The following STX16 variants were observed in gnomAD, a reference collection of about 807,000 sequenced individuals.
STX16 encodes the protein syntaxin-16.
Under a neutral mutation model 42.7 loss-of-function variants are expected in STX16, and 28 were observed. That is an observed-to-expected ratio of 0.66 (90% CI 0.49 to 0.90). STX16 has a LOEUF of 0.90. Ranked by LOEUF, STX16 falls within the 40% of genes least tolerant of loss-of-function variation. STX16 has a pLI of 0.00. For synonymous variants in STX16, 156 were observed against 155.2 expected, an observed-to-expected ratio of 1.00 and a Z score of -0.04; for missense variants, 361 against 420.9, an observed-to-expected ratio of 0.86 and a Z score of 1.24.
rs1388758981 is a variant in STX16, at chr20:58,657,915, A to C, written c.133-1708A>C. The stretch of plus-strand genomic sequence containing the variant: ...AGAGAGGCTGGAGGGTGGGGTGGAA[A>C]GAGACCTGAACACCTGGGTCTGTCC... On this transcript the variant is annotated intron_variant, in intron 1 of 8. Coordinates refer to ENST00000371141, the MANE Select transcript of STX16 (RefSeq NM_001001433.3). The surrounding 1 kb of genome is among the most constrained non-coding windows in gnomAD (Gnocchi z 4.2). Among the ~76,000 whole-genome samples the C allele has an allele frequency of 6.6e-6, 1 of 152,186 alleles. No homozygotes were observed. Among genetic ancestry groups the C allele is most frequent in the Non-Finnish European group, 1.5e-5 (1 of 68,028 alleles).
In STX16 at chr20:58,678,944, T is replaced by A. The variant is rs1379722551; in HGVS notation, c.*2653T>A. 2 of 152,312 alleles carry A rather than the reference T, an allele frequency of 1.3e-5. No individual in the cohort carries two copies. Among genetic ancestry groups the A allele is most frequent in the Non-Finnish European group, 2.9e-5 (2 of 68,092 alleles). 9.4% of individuals were successfully genotyped at this position (152,312 alleles called of 1,614,324 possible). A position where few individuals can be genotyped will look rare whatever the true frequency, so the allele number is the denominator to read the frequency against. ...ATCACCCAGGCCAGTCTCCTCTGCC[T>A]GGGATGCGCCCTCTGAGAGGAGGCC... On this transcript the variant is annotated 3_prime_UTR_variant, in exon 9 of 9. Transcript: ENST00000371141.
intron 1 of STX16, chr20:58,652,380 C>CA: frequency 1.7e-6 from 1 of 589,580 alleles, no homozygotes; most frequent in Non-Finnish European, 3.1e-6. Flanking sequence ...CACCCCCCCC[C>CA]CCGCACCCCC....
intron 1 of STX16, among the ~76,000 whole-genome samples, chr20:58,658,329 T>G (rs1301662778): frequency 6.6e-6 from 1 of 152,226 alleles, no homozygotes; most frequent in East Asian, 1.9e-4. Flanking sequence ...TAAAAACATT[T>G]TTTCTTTGTA....
At chr20:58,654,434 G>A (rs2083542594) in intron 1 of STX16, among the ~76,000 whole-genome samples, 1 of 152,304 alleles carries the variant, frequency 6.6e-6, no homozygotes, top group South Asian at 2.1e-4. Flanking sequence ...GCTTACAGGT[G>A]ATTCGTAACA....
chr20:58,654,942 A>G (rs1256117484), intron 1 of STX16, among the ~76,000 whole-genome samples: 1 of 152,206 alleles, frequency 6.6e-6, no homozygotes, highest in African/African-American at 2.4e-5. Context: ...GCTTTTCTGC[A>G]TGTTTGAAAA....
chr20:58,658,842 C>T (rs1488568588), intron 1 of STX16, among the ~76,000 whole-genome samples: 1 of 152,156 alleles, frequency 6.6e-6, no homozygotes, highest in Non-Finnish European at 1.5e-5. Flanking sequence ...TCCCCCTCCC[C>T]TTAAAAGAAA....
chr20:58,673,595 A>G (rs779108585), intron 7 of STX16, 36 bp from the exon 8 acceptor site: 2 of 1,405,668 alleles, frequency 1.4e-6, no homozygotes, highest in Admixed American at 3.5e-5. Context: ...CCCAGTTGCT[A>G]TTGTTGATTG....
chr20:58,673,849 ATTCATCAT>A, intron 8 of STX16, 138 bp downstream of exon 8: 2 of 590,612 alleles, frequency 3.4e-6, no homozygotes, highest in South Asian at 5.0e-5. Context: ...GTAAAAAGGG[ATTCATCAT>A]TTCATTTAAA....
chr20:58,673,936 A>G (rs1041676719), intron 8 of STX16, among the ~76,000 whole-genome samples: 2 of 152,252 alleles, frequency 1.3e-5, no homozygotes, highest in African/African-American at 4.8e-5. Context: ...ACTTAAATCC[A>G]AAATTGCTAA....
intron 5 of STX16, among the ~76,000 whole-genome samples, chr20:58,670,269 A>G (rs1185340760): frequency 6.6e-6 from 1 of 152,218 alleles, no homozygotes; most frequent in Non-Finnish European, 1.5e-5. Context: ...CTTGGCATCA[A>G]GTGAATTGTG....
At position 58,671,421 on chromosome 20, in the gene STX16, C is replaced by T. The variant is rs1379339801; in HGVS notation, c.792+124C>T. On this transcript the variant is annotated intron_variant, in intron 7 of 8. Coordinates refer to ENST00000371141, the MANE Select transcript of STX16 (RefSeq NM_001001433.3). ...TTTCCCAACATGTGTGTGCACCTGT[C>T]CTTTATGTGTGTGTGGGTGTGTGTG... 6 of 636,466 alleles carry T rather than the reference C, an allele frequency of 9.4e-6. No individual in the cohort carries two copies. The East Asian group carries it at 1.4e-4, about 15-fold the overall frequency. 39.4% of individuals were successfully genotyped at this position (636,466 alleles called of 1,614,324 possible). A position where few individuals can be genotyped will look rare whatever the true frequency, so the allele number is the denominator to read the frequency against.
At position 58,664,362 on chromosome 20, in the gene STX16, G is replaced by T. The variant is rs181017424; in HGVS notation, c.145-3128G>T. Among the ~76,000 whole-genome samples, 6 of 152,280 alleles carry T rather than the reference G, an allele frequency of 3.9e-5. No individual in the cohort carries two copies. The East Asian group carries it at 1.2e-3, about 29-fold the overall frequency. On this transcript the variant is annotated intron_variant, in intron 2 of 8. Coordinates refer to ENST00000371141, the MANE Select transcript of STX16 (RefSeq NM_001001433.3). ...AAATGACACATTTCTTCTCAATAGG[G>T]TGGTGTTTCTTTATTATAATGAACT...
At chr20:58,659,435 T>C (rs2083648605) in intron 1 of STX16, among the ~76,000 whole-genome samples, 188 bp from the exon 2 acceptor site, 2 of 151,750 alleles carry the variant, frequency 1.3e-5, no homozygotes, top group African/African-American at 4.8e-5. Context: ...CATATATTGA[T>C]GTAGCTTAAT....
At chr20:58,661,330 C>T (rs1364297972) in intron 2 of STX16, among the ~76,000 whole-genome samples, 2 of 152,234 alleles carry the variant, frequency 1.3e-5, no homozygotes, top group Non-Finnish European at 2.9e-5. Context: ...GCAGCAAGTT[C>T]CAGAAACTGG....
chr20:58,673,631 G>T lies in STX16; in HGVS notation c.793G>T (p.Gly265Cys), dbSNP rs1347945116. The part of the protein sequence containing the change: ...RDLGAMIVEQ[G>C]TVLDRIDYNV... ...TCTGTAACTGTCATTTATTACCTAG[G>T]GTACAGTCCTTGACAGAATTGACTA... Residue 265 changes from glycine to cysteine, a missense_variant and splice_region_variant, in exon 8 of 9, where the codon GGT becomes TGT. By Grantham distance (159) the Gly-to-Cys change is radical (BLOSUM62 -3). Coordinates refer to ENST00000371141, the MANE Select transcript of STX16 (RefSeq NM_001001433.3). 6.2e-7 allele frequency: 1 copy of T among 1,606,528 alleles called. No individual in the cohort carries two copies. Among genetic ancestry groups the T allele is most frequent in the Non-Finnish European group, 8.5e-7 (1 of 1,173,984 alleles).
rs10695175 is a variant in STX16 at position 58,678,639 on chromosome 20, C to CA, written c.*2366dup. On this transcript the variant is annotated 3_prime_UTR_variant, in exon 9 of 9. Coordinates refer to ENST00000371141, the MANE Select transcript of STX16 (RefSeq NM_001001433.3). ...TGGGTGACAGAGCGAGGCTCCGTCT[C>CA]AAAAAAAAAAAAAAAAAATTGTTTT... 1.6e-3 allele frequency: 202 copies of CA among 124,460 alleles called. 5 individuals carry two copies. Among genetic ancestry groups the CA allele is most frequent in the Middle Eastern group, 0.012 (3 of 252 alleles). The allele number at this position is 124,460 out of a possible 1,614,324, so 7.7% of individuals were successfully genotyped here.
chr20:58,669,062 A>T, intron 4 of STX16, among the ~76,000 whole-genome samples: 1 of 152,254 alleles, frequency 6.6e-6, no homozygotes, highest in East Asian at 1.9e-4. Context: ...ACGTGATGAT[A>T]TGTGAGCAGC....
At chr20:58,674,299 C>G (rs1279821519) in intron 8 of STX16, among the ~76,000 whole-genome samples, 2 of 152,028 alleles carry the variant, frequency 1.3e-5, no homozygotes, top group African/African-American at 2.4e-5. Flanking sequence ...ATGATATTCT[C>G]TTTTAAAAAA....
At position 58,669,427 on chromosome 20, in the gene STX16, G is replaced by A. The variant is rs757412639; in HGVS notation, c.530G>A (p.Arg177Gln). The A allele has an allele frequency of 5.6e-6, 9 of 1,611,492 alleles. No individual in the cohort carries two copies. The highest frequency in any genetic ancestry group is 2.7e-5 in the African/African-American group (2 of 74,806). ...QALQELSTSFRHAQSGYLKRM... is the reference protein window; with the variant it reads ...QALQELSTSFQHAQSGYLKRM... ...CTGCAGGAACTCTCCACCAGCTTCC[G>A]GCACGCACAGTCAGGCTACCTCAAA... The change falls in exon 5 of 9, where the codon CGG becomes CAG. Residue 177 changes from arginine to glutamine, a missense_variant. Coordinates refer to ENST00000371141, the MANE Select transcript of STX16 (RefSeq NM_001001433.3).
Sources: gnomAD v4.1 joint callset for allele counts (sites outside exome capture counted in the v4.1 genomes callset) on GRCh38, gnomAD v4.1.1 for gene constraint, Gnocchi (gnomAD v3.1) non-coding constraint, MANE v1.5 for transcripts, NCBI Gene and HGNC (gene_info 2026-07-23, HGNC 2026-07-21) for gene names.